FAT3: variants seen among roughly 807,000 people sequenced by gnomAD.
FAT3 encodes the protein FAT atypical cadherin 3.
A neutral mutation model predicts 310.2 loss-of-function variants in FAT3; 95 were observed. That is an observed-to-expected ratio of 0.31 (90% CI 0.26 to 0.36). The LOEUF is 0.36. Among genes scored for constraint, FAT3 ranks in the 10% least tolerant of loss-of-function variants. The pLI is 1.00. For synonymous variants in FAT3, 2,314 were observed against 2,192.9 expected (o/e 1.06, Z -1.54); for missense variants, 5,408 against 5,715.6 (o/e 0.95, Z 1.74).
chr11:92,757,781 A>G (rs1237127873), intron 4 of FAT3, among the ~76,000 whole-genome samples: 1 of 152,226 alleles, frequency 6.6e-6, no homozygotes, highest in African/African-American at 2.4e-5. Flanking sequence ...GAAAAAGACA[A>G]GGTTCCTGCT....
intron 13 of FAT3, among the ~76,000 whole-genome samples, chr11:92,825,549 A>T (rs1948080222): frequency 6.6e-6 from 1 of 152,152 alleles, no homozygotes; most frequent in South Asian, 2.1e-4. Context: ...ACAAATGCAG[A>T]CCAGGGAAGG....
intron 16 of FAT3, among the ~76,000 whole-genome samples, chr11:92,837,210 C>A (rs1445123069): frequency 2.0e-5 from 3 of 152,162 alleles, no homozygotes; most frequent in Admixed American, 6.5e-5. Flanking sequence ...GGCAATGATG[C>A]TAAAAAGCAG....
Position 92,798,981 on chromosome 11 carries a change from T to A in FAT3, c.5968T>A (p.Ser1990Thr). Residue 1990 changes from serine (S) to threonine (T), a missense_variant, in exon 10 of 28, where the codon TCA becomes ACA. Around this residue, in one of 5 missense-constraint regions of FAT3, gnomAD observed 4,588 missense variants for 4,809.8 expected, o/e 0.95. Transcript: ENST00000525166. ...CTTTACACAAAGCTTCTATTCCACC[T>A]CAATCTCAGAGAACAACACTAACAT... Reference protein sequence around the residue: ...LHFTQSFYSTSISENNTNITK... With the variant: ...LHFTQSFYSTTISENNTNITK... The A allele has an allele frequency of 6.2e-7, 1 of 1,613,920 alleles. No homozygotes were observed. The highest frequency in any genetic ancestry group is 8.5e-7 in the Non-Finnish European group (1 of 1,179,866).
intron 2 of FAT3, among the ~76,000 whole-genome samples, chr11:92,389,637 G>A (rs1949703553): frequency 6.6e-6 from 1 of 152,160 alleles, no homozygotes; most frequent in South Asian, 2.1e-4. Context: ...GTGTTGTATG[G>A]ATGTGGCTTA....
intron 25 of FAT3, among the ~76,000 whole-genome samples, chr11:92,888,953 G>A (rs535496350): frequency 1.0e-3 from 159 of 152,246 alleles, no homozygotes; most frequent in Middle Eastern, 0.01. Context: ...TGCCTTTCAG[G>A]AGGACTGGCA....
intron 19 of FAT3, among the ~76,000 whole-genome samples, 177 bp downstream of exon 19, chr11:92,844,909 C>A (rs1377243860): frequency 2.0e-5 from 3 of 152,250 alleles, no homozygotes; most frequent in Non-Finnish European, 2.9e-5. Flanking sequence ...TCCCATGTAG[C>A]TGTGCCTAAG....
intron 3 of FAT3, among the ~76,000 whole-genome samples, chr11:92,576,890 A>G (rs752463724): frequency 1.7e-4 from 13 of 76,132 alleles, no homozygotes; most frequent in Non-Finnish European, 4.9e-4. Flanking sequence ...TAAGAGAGCT[A>G]GATGCCAAGA....
At chr11:92,450,757 G>A (rs1171206805) in intron 2 of FAT3, among the ~76,000 whole-genome samples, 3 of 152,154 alleles carry the variant, frequency 2.0e-5, no homozygotes, top group Non-Finnish European at 2.9e-5. Flanking sequence ...TTGTGGCTAT[G>A]CTAAACTGAT....
chr11:92,541,717 C>T (rs1181377642), intron 3 of FAT3, among the ~76,000 whole-genome samples: 2 of 152,006 alleles, frequency 1.3e-5, no homozygotes, highest in Non-Finnish European at 2.9e-5. Flanking sequence ...TGCCATGGTG[C>T]CCTCCTACCT....
chr11:92,889,692 T>C (rs1949872942), intron 26 of FAT3, among the ~76,000 whole-genome samples, 164 bp from the exon 27 acceptor site: 1 of 152,196 alleles, frequency 6.6e-6, no homozygotes, highest in Non-Finnish European at 1.5e-5. Flanking sequence ...TTTTGCTTTG[T>C]TTTTTCCCTA....
intron 4 of FAT3, among the ~76,000 whole-genome samples, chr11:92,727,380 C>T (rs1165578569): frequency 6.6e-6 from 1 of 151,642 alleles, no homozygotes; most frequent in East Asian, 1.9e-4. Flanking sequence ...TACAGCCTGT[C>T]AGGGAAGACA....
chr11:92,429,745 G>A (rs1950723374), intron 2 of FAT3, among the ~76,000 whole-genome samples: 1 of 152,158 alleles, frequency 6.6e-6, no homozygotes, highest in Non-Finnish European at 1.5e-5. Context: ...AGAGAGATCT[G>A]CTTTTAGTAT....
chr11:92,405,859 A>G (rs1473396133), intron 2 of FAT3, among the ~76,000 whole-genome samples: 1 of 152,214 alleles, frequency 6.6e-6, no homozygotes, highest in Non-Finnish European at 1.5e-5. Flanking sequence ...ATGGCTAGAA[A>G]TTTTGTGTCC....
chr11:92,353,965 G>C lies in FAT3; in HGVS notation c.1853G>C (p.Gly618Ala). The change falls in exon 2 of 28, where the codon GGA becomes GCA. Residue 618 changes from glycine to alanine, a missense_variant. Gly to Ala is a moderately conservative substitution (Grantham distance 60). Around this residue, in one of 5 missense-constraint regions of FAT3, gnomAD observed 4,588 missense variants for 4,809.8 expected, o/e 0.95. Transcript: ENST00000525166. ...CTTGTAAAGTACAAAATCATTTCTG[G>C]AAATGAACTTGGCTTCTTTTATTTA... ...LELVKYKIIS[G>A]NELGFFYLNP... 1 of 1,612,598 alleles carries C rather than the reference G, an allele frequency of 6.2e-7. No individual in the cohort carries two copies. Among genetic ancestry groups the C allele is most frequent in the South Asian group, 1.1e-5 (1 of 91,012 alleles).
At chr11:92,397,959 A>G (rs1949915073) in intron 2 of FAT3, among the ~76,000 whole-genome samples, 1 of 152,130 alleles carries the variant, frequency 6.6e-6, no homozygotes, top group Non-Finnish European at 1.5e-5. Flanking sequence ...AAGGACCACC[A>G]TAACAAAAAC....
intron 2 of FAT3, among the ~76,000 whole-genome samples, chr11:92,434,060 T>G (rs565203315): frequency 1.3e-5 from 2 of 150,112 alleles, no homozygotes; most frequent in Admixed American, 1.3e-4. Flanking sequence ...TTGAGAGGGT[T>G]GAACTTCAGA....
chr11:92,527,505 G>C (rs1003538901), intron 3 of FAT3, among the ~76,000 whole-genome samples: 6 of 152,116 alleles, frequency 3.9e-5, no homozygotes, highest in Non-Finnish European at 7.4e-5. Context: ...ACTCTGCAAG[G>C]GTTGCTCATG....
intron 13 of FAT3, among the ~76,000 whole-genome samples, chr11:92,829,296 T>C (rs1044462440): frequency 2.6e-5 from 4 of 152,272 alleles, no homozygotes; most frequent in African/African-American, 9.6e-5. Context: ...TGCATGAATT[T>C]CATGCCTGCA....
chr11:92,423,847 T>C (rs776020954), intron 2 of FAT3, among the ~76,000 whole-genome samples: 22 of 152,164 alleles, frequency 1.4e-4, no homozygotes, highest in Admixed American at 4.6e-4. Context: ...TTCAACTGAT[T>C]AGATAAGGCC....
Sources: allele counts gnomAD v4.1 joint callset (sites outside exome capture counted in the v4.1 genomes callset), GRCh38; gene constraint gnomAD v4.1.1; regional missense constraint gnomAD v4.1.1; transcripts MANE v1.5; gene names NCBI Gene and HGNC (gene_info 2026-07-23, HGNC 2026-07-21).